TRPM8: variants seen among roughly 807,000 people sequenced by gnomAD.
TRPM8 encodes the protein transient receptor potential cation channel subfamily M member 8.
In TRPM8, 110 loss-of-function variants were observed where a neutral mutation model predicts 133.7. The observed-to-expected ratio is 0.82, with a 90% CI of 0.70 to 0.96. The LOEUF (loss-of-function observed/expected upper bound fraction) is 0.96. TRPM8 is among the 40% of genes least tolerant of loss of function. The pLI is 0.00. For synonymous variants in TRPM8, 535 were observed against 532.3 expected (o/e 1.01, Z -0.07); for missense variants, 1,291 against 1,379.5 (o/e 0.94, Z 1.02).
intron 12 of TRPM8, among the ~76,000 whole-genome samples, chr2:233,961,368 G>T (rs996837389): frequency 5.3e-5 from 8 of 150,658 alleles, no homozygotes; most frequent in African/African-American, 1.7e-4. Flanking sequence ...TGCAGTGGCC[G>T]AATCTCAGCT....
chr2:233,991,746 T>A (rs1015542708), intron 21 of TRPM8, among the ~76,000 whole-genome samples: 1 of 152,244 alleles, frequency 6.6e-6, no homozygotes, highest in Admixed American at 6.5e-5. Flanking sequence ...ATTACTGAAG[T>A]ATTTTTTTCT....
intron 22 of TRPM8, among the ~76,000 whole-genome samples, chr2:234,005,726 C>T (rs910555895): frequency 3.3e-5 from 5 of 151,970 alleles, no homozygotes; most frequent in African/African-American, 9.7e-5. Flanking sequence ...GCCTGGCCAA[C>T]GTGATGAAAC....
intron 20 of TRPM8, among the ~76,000 whole-genome samples, chr2:233,984,427 C>T (rs544530950): frequency 6.6e-6 from 1 of 152,288 alleles, no homozygotes; most frequent in Non-Finnish European, 1.5e-5. Context: ...CCCCGATGCC[C>T]TCCTGTGAAG....
At chr2:233,926,311 C>T (rs1410719779) in intron 1 of TRPM8, among the ~76,000 whole-genome samples, 1 of 151,938 alleles carries the variant, frequency 6.6e-6, no homozygotes, top group Non-Finnish European at 1.5e-5. Context: ...GGGTGAGGGG[C>T]CAGGGAGGAT....
At chr2:233,925,658 G>C (rs574489758) in intron 1 of TRPM8, among the ~76,000 whole-genome samples, 1 of 152,276 alleles carries the variant, frequency 6.6e-6, no homozygotes, top group South Asian at 2.1e-4. Flanking sequence ...GACTGCTGCT[G>C]GGATGTGGTG....
chr2:233,918,526 A>T (rs1428567476), intron 1 of TRPM8, among the ~76,000 whole-genome samples: 1 of 152,050 alleles, frequency 6.6e-6, no homozygotes, highest in Non-Finnish European at 1.5e-5. Context: ...AGCATCTTGG[A>T]GCATCACCTG....
At chr2:233,957,075 A>G (rs1691310654) in intron 11 of TRPM8, among the ~76,000 whole-genome samples, 1 of 152,188 alleles carries the variant, frequency 6.6e-6, no homozygotes, top group African/African-American at 2.4e-5. Flanking sequence ...TAACCTCCCT[A>G]TGCCTCAGTT....
At chr2:233,947,457 A>G (rs984155841) in intron 8 of TRPM8, 9 of 1,383,552 alleles carry the variant, frequency 6.5e-6, no homozygotes, top group Non-Finnish European at 7.7e-6. Context: ...ACCGGCATAT[A>G]TATTAGAAAG....
chr2:233,948,886 T>C (rs1406231651), intron 8 of TRPM8, among the ~76,000 whole-genome samples: 1 of 152,000 alleles, frequency 6.6e-6, no homozygotes, highest in Non-Finnish European at 1.5e-5. Context: ...ATACAAAAAT[T>C]AGCTGGGCGC....
At position 233,942,564 on chromosome 2, in the gene TRPM8, A is replaced by G. The variant is rs764806157; in HGVS notation, c.527-12A>G. 8.7e-6 allele frequency: 14 copies of G among 1,614,022 alleles called. No individual in the cohort carries two copies. The highest frequency in any genetic ancestry group is 1.2e-5 in the Non-Finnish European group (14 of 1,179,978). The stretch of plus-strand genomic sequence containing the variant: ...TGCCACTTGACCATTTACTCTTCCT[A>G]TTTGTTGACAGGTGCTTGGATTCTC... On this transcript the variant is annotated splice_polypyrimidine_tract_variant and intron_variant, in intron 5 of 25. Transcript: ENST00000324695.
intron 24 of TRPM8, among the ~76,000 whole-genome samples, chr2:234,011,572 A>G (rs959285041): frequency 3.3e-5 from 5 of 152,156 alleles, no homozygotes; most frequent in African/African-American, 1.2e-4. Flanking sequence ...TTTTGGCAAT[A>G]TTCATTTTTT....
chr2:234,012,071 G>C (rs1348896015), intron 24 of TRPM8, among the ~76,000 whole-genome samples: 2 of 150,758 alleles, frequency 1.3e-5, no homozygotes, highest in African/African-American at 4.9e-5. Flanking sequence ...ATAGCTCTTT[G>C]TTGGTGTATA....
chr2:233,926,903 C>A (rs539499979), intron 2 of TRPM8, among the ~76,000 whole-genome samples: 13 of 152,308 alleles, frequency 8.5e-5, no homozygotes, highest in African/African-American at 2.4e-4. Context: ...CCTAGCTGCA[C>A]TCCTTCACAC....
chr2:234,009,590 T>G (rs980813314), intron 24 of TRPM8, among the ~76,000 whole-genome samples: 2 of 152,180 alleles, frequency 1.3e-5, no homozygotes, highest in African/African-American at 4.8e-5. Flanking sequence ...GGATCCCCAC[T>G]GCACAGCGCA....
chr2:233,989,065 T>C lies in TRPM8; in HGVS notation c.2939+3200T>C, dbSNP rs1267194808. On this transcript the variant is annotated intron_variant, in intron 21 of 25. Coordinates refer to ENST00000324695, the MANE Select transcript of TRPM8 (RefSeq NM_024080.5). This position sits in a 1 kb window ranked among gnomAD's most constrained non-coding sequence, Gnocchi z 4.2. ...CAACAGCTCCTAAAACCATGGCCTTTGAGTTATGCTAACTTGGTAAATCTC... is the reference window on the plus strand; with the variant it reads ...CAACAGCTCCTAAAACCATGGCCTTCGAGTTATGCTAACTTGGTAAATCTC... 6.6e-6 allele frequency among the ~76,000 whole-genome samples: 1 copy of C among 152,234 alleles called. No homozygotes were observed. Among genetic ancestry groups the C allele is most frequent in the Non-Finnish European group, 1.5e-5 (1 of 68,032 alleles).
In TRPM8 at chr2:233,953,998, A is replaced by T; in HGVS notation, c.1222A>T (p.Ile408Phe). The T allele has an allele frequency of 6.2e-7, 1 of 1,613,764 alleles. No individual in the cohort carries two copies. The highest frequency in any genetic ancestry group is 8.5e-7 in the Non-Finnish European group (1 of 1,179,746). The stretch of plus-strand genomic sequence containing the variant: ...TGGGGATGAAATTGTGAGCAATGCC[A>T]TCTCCTACGCTCTATACAAAGGTGA... ...EAGDEIVSNA[I>F]SYALYKAFST... Residue 408 changes from isoleucine to phenylalanine, a missense_variant, in exon 10 of 26, where the codon ATC (isoleucine) becomes TTC (phenylalanine). Physicochemically the swap from Ile to Phe is conservative, Grantham distance 21. Transcript: ENST00000324695.
intron 9 of TRPM8, among the ~76,000 whole-genome samples, chr2:233,951,462 C>T (rs6740118): frequency 0.38 from 57,198 of 152,018 alleles, 16,989 homozygotes; most frequent in African/African-American, 0.8. Context: ...CTTCAGTGAC[C>T]TTCCTCTTAC....
chr2:233,974,676 A>G (rs1441858252), intron 17 of TRPM8, among the ~76,000 whole-genome samples: 3 of 152,104 alleles, frequency 2.0e-5, no homozygotes, highest in Non-Finnish European at 4.4e-5. Flanking sequence ...CTTGGTGGTG[A>G]CTCATAGGCA....
intron 3 of TRPM8, among the ~76,000 whole-genome samples, chr2:233,934,824 C>T (rs1322702063): frequency 6.6e-6 from 1 of 152,204 alleles, no homozygotes; most frequent in Non-Finnish European, 1.5e-5. Context: ...ATAAAATTTG[C>T]CCATAAAGCA....
Sources: gnomAD v4.1 joint callset for allele counts (sites outside exome capture counted in the v4.1 genomes callset) on GRCh38, gnomAD v4.1.1 for gene constraint, Gnocchi (gnomAD v3.1) non-coding constraint, MANE v1.5 for transcripts, NCBI Gene and HGNC (gene_info 2026-07-23, HGNC 2026-07-21) for gene names.